The following TOGARAM2 variants were observed in gnomAD, a reference collection of about 807,000 sequenced individuals.
The protein encoded by TOGARAM2 is TOG array regulator of axonemal microtubules protein 2.
A neutral mutation model predicts 93.3 loss-of-function variants in TOGARAM2; 85 were observed. The ratio of observed to expected loss-of-function variants is 0.91; its 90% CI spans 0.76 to 1.09. The LOEUF is 1.09. Among genes scored for constraint, TOGARAM2 ranks in the 50% least tolerant of loss-of-function variants. The probability of loss-of-function intolerance (pLI) is 0.00; values close to 1 mark genes in which losing one functional copy is unlikely to be tolerated. For missense variants in TOGARAM2, 1,277 were observed against 1,334.5 expected, an observed-to-expected ratio of 0.96 and a Z score of 0.67; for synonymous variants, 593 against 552.8, an observed-to-expected ratio of 1.07 and a Z score of -1.02.
At position 28,969,854 on chromosome 2, in the gene TOGARAM2, C is replaced by T. The variant is rs144693799; in HGVS notation, c.-147+13157C>T. ...TGAGACGGAGTTTCGCTCTTATTGC[C>T]CAGGCTGGGGTGCAATGGCACAATC... On this transcript the variant is annotated intron_variant, in intron 1 of 6. Transcript: ENST00000401723. Among the ~76,000 whole-genome samples the T allele has an allele frequency of 7.5e-3, 1,018 of 136,128 alleles. 9 individuals carry two copies. The highest frequency in any genetic ancestry group is 0.027 in the African/African-American group (972 of 36,588). 89.3% of individuals were successfully genotyped at this position (136,128 alleles called of 152,430 possible). A position where few individuals can be genotyped will look rare whatever the true frequency, so the allele number is the denominator to read the frequency against.
intron 14 of TOGARAM2, 36 bp from the exon 15 acceptor site, chr2:29,032,898 G>A (rs1236397344): frequency 6.4e-7 from 1 of 1,561,830 alleles, no homozygotes; most frequent in East Asian, 2.3e-5. Context: ...GCATTTCAGA[G>A]GCTGTTTCTT....
intron 16 of TOGARAM2, 89 bp downstream of exon 16, chr2:29,033,652 T>A: frequency 8.4e-7 from 1 of 1,191,292 alleles, no homozygotes; most frequent in Non-Finnish European, 1.2e-6. Flanking sequence ...GGCTCTGGGG[T>A]GGACATATGG....
intron 14 of TOGARAM2, among the ~76,000 whole-genome samples, chr2:29,030,680 C>T (rs1455569369): frequency 6.6e-6 from 1 of 152,180 alleles, no homozygotes; most frequent in Non-Finnish European, 1.5e-5. Flanking sequence ...CTCCTTGTCC[C>T]TCTGTGACCA....
rs1666940923 is a variant in TOGARAM2, at chr2:29,049,294, C to A, written c.2723-2462C>A. The A allele has an allele frequency of 2.6e-5, 4 of 152,358 alleles. No homozygotes were observed. In the South Asian group the frequency reaches 8.3e-4, roughly 32 times the overall value. The allele number at this position is 152,358 out of a possible 1,614,324, so 9.4% of individuals were successfully genotyped here. On this transcript the variant is annotated intron_variant, in intron 19 of 19. Transcript: ENST00000379558. ...GGGATTATAGTCATGAACCACAGCA[C>A]CTGGCCAGAATTCCCTTCCTTTTGA...
rs761331688 is a variant in TOGARAM2, at chr2:29,014,403, C to G, written c.886C>G (p.Pro296Ala). Reference sequence around the variant, plus strand: ...TGTTCTCAACCCCTCAGAGCCAAAACCTTTGGCCTCACCCATCAGAGACAG... The same window carrying G: ...TGTTCTCAACCCCTCAGAGCCAAAAGCTTTGGCCTCACCCATCAGAGACAG... Reference protein sequence around the residue: ...EKTPASLEPKPLASPIRDRPA... With the variant: ...EKTPASLEPKALASPIRDRPA... The change falls in exon 8 of 20, where the codon CCT (proline) becomes GCT (alanine). Residue 296 changes from proline to alanine, a missense_variant. Coordinates refer to ENST00000379558, the MANE Select transcript of TOGARAM2 (RefSeq NM_199280.4). 35 of 1,610,592 alleles carry G rather than the reference C, an allele frequency of 2.2e-5. No individual in the cohort carries two copies. Among genetic ancestry groups the G allele is most frequent in the South Asian group, 1.1e-5 (1 of 90,042 alleles).
At chr2:29,011,076 A>G (rs948019781) in intron 6 of TOGARAM2, among the ~76,000 whole-genome samples, 3 of 152,158 alleles carry the variant, frequency 2.0e-5, no homozygotes, top group African/African-American at 7.2e-5. Context: ...AGTGCTGTCT[A>G]AGCTGGGAGG....
intron 4 of TOGARAM2, among the ~76,000 whole-genome samples, chr2:29,001,882 C>G (rs2148287046): frequency 6.6e-6 from 1 of 150,878 alleles, no homozygotes; most frequent in South Asian, 2.1e-4. Flanking sequence ...TTCCTCATCA[C>G]TGATATTTAC....
intron 2 of TOGARAM2, among the ~76,000 whole-genome samples, chr2:28,996,836 C>G (rs951773010): frequency 6.7e-6 from 1 of 150,156 alleles, no homozygotes; most frequent in Non-Finnish European, 1.5e-5. Context: ...ATAATGACCT[C>G]CAGTTCCATC....
At chr2:28,962,635 A>G (rs923032921) in intron 1 of TOGARAM2, among the ~76,000 whole-genome samples, 50 of 151,488 alleles carry the variant, frequency 3.3e-4, no homozygotes, top group African/African-American at 1.1e-3. Flanking sequence ...GGAGATCTGC[A>G]TTGTTTCCAG....
chr2:28,959,843 T>A (rs1671777195), intron 1 of TOGARAM2, among the ~76,000 whole-genome samples: 1 of 152,226 alleles, frequency 6.6e-6, no homozygotes, highest in Non-Finnish European at 1.5e-5. Context: ...AACGGGGATA[T>A]GTTCTGAAAG....
At chr2:28,974,530 C>T (rs541608571) in intron 1 of TOGARAM2, among the ~76,000 whole-genome samples, 5 of 152,262 alleles carry the variant, frequency 3.3e-5, no homozygotes, top group African/African-American at 1.2e-4. Context: ...GACCCACACC[C>T]TTTCTCCTCT....
rs1426783820 is a variant in TOGARAM2, at chr2:29,011,527, C to T, written c.877+26C>T. The T allele has an allele frequency of 1.4e-5, 23 of 1,589,318 alleles. No homozygotes were observed. The Admixed American group carries it at 3.7e-4, about 25-fold the overall frequency. ...GTACGTATCTTCCATGCACACCTCC[C>T]TTTGTTATTTGACTCTCTACATTCC... On this transcript the variant is annotated intron_variant, in intron 7 of 19. Transcript: ENST00000379558.
At chr2:29,000,743 G>A (rs1023074369) in intron 4 of TOGARAM2, among the ~76,000 whole-genome samples, 1 of 152,266 alleles carries the variant, frequency 6.6e-6, no homozygotes, top group South Asian at 2.1e-4. Context: ...CCCTGGAGCC[G>A]TGGGGTGTCT....
chr2:29,007,087 G>A (rs571793537), intron 6 of TOGARAM2, among the ~76,000 whole-genome samples: 1 of 152,082 alleles, frequency 6.6e-6, no homozygotes, highest in Non-Finnish European at 1.5e-5. Context: ...ATTGTTCCAG[G>A]ACTGTTTGCC....
intron 1 of TOGARAM2, among the ~76,000 whole-genome samples, chr2:28,990,828 G>A (rs920384048): frequency 3.3e-5 from 5 of 152,008 alleles, no homozygotes; most frequent in African/African-American, 7.2e-5. Flanking sequence ...GGGGTCGAAG[G>A]CAACATCTAG....
chr2:29,037,264 G>A (rs979098261), intron 18 of TOGARAM2, among the ~76,000 whole-genome samples: 3 of 152,156 alleles, frequency 2.0e-5, no homozygotes, highest in Non-Finnish European at 4.4e-5. Flanking sequence ...GCATCTGCTT[G>A]TGTTTTCTTA....
intron 12 of TOGARAM2, among the ~76,000 whole-genome samples, chr2:29,023,481 C>G (rs557389539): frequency 1.3e-5 from 2 of 152,200 alleles, no homozygotes; most frequent in Non-Finnish European, 2.9e-5. Context: ...AGGGATGGAG[C>G]GTCCAGGGCC....
At chr2:28,963,930 C>T (rs769488130) in intron 1 of TOGARAM2, among the ~76,000 whole-genome samples, 1 of 152,054 alleles carries the variant, frequency 6.6e-6, no homozygotes, top group Non-Finnish European at 1.5e-5. Flanking sequence ...TTGCTTGAAC[C>T]CAGGAGGTGG....
intron 12 of TOGARAM2, among the ~76,000 whole-genome samples, chr2:29,023,536 C>T (rs1484829873): frequency 6.6e-6 from 1 of 152,214 alleles, no homozygotes; most frequent in East Asian, 1.9e-4. Flanking sequence ...CAAAGCGTTT[C>T]TTTCATGGCT....
Sources: allele counts gnomAD v4.1 joint callset (sites outside exome capture counted in the v4.1 genomes callset), GRCh38; gene constraint gnomAD v4.1.1; transcripts MANE v1.5; gene names NCBI Gene and HGNC (gene_info 2026-07-23, HGNC 2026-07-21).